The following SAMD12 variants were observed in gnomAD, a reference collection of about 807,000 sequenced individuals.
SAMD12 encodes the protein sterile alpha motif domain-containing protein 12.
SAMD12 carries 9 observed loss-of-function variants against 15.0 expected under a neutral mutation model. That is an observed-to-expected ratio of 0.60 (90% CI 0.36 to 1.05). The LOEUF (loss-of-function observed/expected upper bound fraction) is 1.05. Among genes scored for constraint, SAMD12 ranks in the 50% least tolerant of loss-of-function variants. SAMD12 has a pLI of 0.01. For missense variants in SAMD12, 230 were observed against 234.2 expected (o/e 0.98, Z 0.12); for synonymous variants, 86 against 90.1 (o/e 0.96, Z 0.25).
chr8:118,305,178 C>A (rs3019126), intron 4 of SAMD12, among the ~76,000 whole-genome samples: 112,307 of 114,724 alleles, frequency 0.98, 54,952 homozygotes, highest in Middle Eastern at 0.99. Context: ...AAAAAAAAGT[C>A]CAGTTCAGTG....
At chr8:118,230,324 G>T (rs2129918318) in intron 4 of SAMD12, among the ~76,000 whole-genome samples, 2 of 151,846 alleles carry the variant, frequency 1.3e-5, no homozygotes, top group Middle Eastern at 6.8e-3. Flanking sequence ...ATTGAAGCGG[G>T]ATTCTATCCC....
chr8:118,316,826 T>A (rs1222317665), intron 4 of SAMD12, among the ~76,000 whole-genome samples: 1 of 150,322 alleles, frequency 6.7e-6, no homozygotes, highest in Non-Finnish European at 1.5e-5. Flanking sequence ...GTTTTTTTTT[T>A]TTTTTTTTTG....
intron 1 of SAMD12, among the ~76,000 whole-genome samples, chr8:118,586,594 C>T (rs1827451780): frequency 1.3e-5 from 2 of 152,190 alleles, no homozygotes; most frequent in African/African-American, 4.8e-5. Context: ...CTGCCCACCT[C>T]GACCTCCCAA....
chr8:118,604,748 C>T (rs1004579461), intron 1 of SAMD12, among the ~76,000 whole-genome samples: 1 of 151,838 alleles, frequency 6.6e-6, no homozygotes, highest in Non-Finnish European at 1.5e-5. Flanking sequence ...AGTGAAACCC[C>T]GTCTCTACTA....
chr8:118,336,298 TA>T (rs1447884348), intron 4 of SAMD12, among the ~76,000 whole-genome samples: 1 of 152,232 alleles, frequency 6.6e-6, no homozygotes, highest in Non-Finnish European at 1.5e-5. Flanking sequence ...GAAACAAGCA[TA>T]ATTGCTCTCT....
chr8:118,226,118 A>G (rs1424504164), intron 4 of SAMD12, among the ~76,000 whole-genome samples: 1 of 152,172 alleles, frequency 6.6e-6, no homozygotes. Flanking sequence ...TTTTATATTT[A>G]TTATATCATT....
At chr8:118,547,831 T>C (rs1826176304) in intron 2 of SAMD12, among the ~76,000 whole-genome samples, 1 of 152,216 alleles carries the variant, frequency 6.6e-6, no homozygotes, top group South Asian at 2.1e-4. Flanking sequence ...GAAAACCAGA[T>C]TTGATGTGTT....
Position 118,378,328 on chromosome 8 carries a change from A to G in SAMD12, c.*1089T>C, listed in dbSNP as rs1819491684. 1 of 885,998 alleles carries G rather than the reference A, an allele frequency of 1.1e-6. No individual in the cohort carries two copies. The highest frequency in any genetic ancestry group is 1.8e-5 in the African/African-American group (1 of 55,242). 54.9% of individuals were successfully genotyped at this position (885,998 alleles called of 1,614,324 possible). ...CAGACTTTCTTATCATAATCTTCGTATTTCTATCTACTTCTTAAAAGAAGC... is the reference window on the plus strand; with the variant it reads ...CAGACTTTCTTATCATAATCTTCGTGTTTCTATCTACTTCTTAAAAGAAGC... On this transcript the variant is annotated 3_prime_UTR_variant, in exon 4 of 4. Coordinates refer to ENST00000314727, the MANE Select transcript of SAMD12 (RefSeq NM_207506.3).
intron 4 of SAMD12, among the ~76,000 whole-genome samples, chr8:118,299,763 T>C (rs1168029253): frequency 6.6e-6 from 1 of 152,118 alleles, no homozygotes; most frequent in Non-Finnish European, 1.5e-5. Context: ...TAGCAAGAAT[T>C]GGCAAAAATC....
At chr8:118,228,932 A>G (rs1281188636) in intron 4 of SAMD12, among the ~76,000 whole-genome samples, 1 of 152,232 alleles carries the variant, frequency 6.6e-6, no homozygotes, top group Non-Finnish European at 1.5e-5. Context: ...TGTGGTACAT[A>G]TGTACGGTGG....
At chr8:118,194,688 T>G (rs952464968) in exon 5 of SAMD12, 1 of 152,210 alleles carries the variant, frequency 6.6e-6, no homozygotes, top group Non-Finnish European at 1.5e-5. Flanking sequence ...CACCTCTTGC[T>G]TCCTATCAAA....
In SAMD12 at chr8:118,206,606, A is replaced by G. The variant is rs180726554; in HGVS notation, c.434-8874T>C. Among the ~76,000 whole-genome samples, 315 of 152,346 alleles carry G rather than the reference A, an allele frequency of 2.1e-3. 2 individuals are homozygous for G. Among genetic ancestry groups the G allele is most frequent in the Non-Finnish European group, 4.9e-4 (33 of 68,030 alleles). On this transcript the variant is annotated intron_variant, in intron 4 of 4. Coordinates refer to the SAMD12 transcript ENST00000409003. ...GGGTTGAAGAGTCTCCAATCTGTAT[A>G]ATTACACATATTGTTACATAGAATC...
chr8:118,500,024 A>T (rs1824736029), intron 2 of SAMD12, among the ~76,000 whole-genome samples: 1 of 145,148 alleles, frequency 6.9e-6, no homozygotes, highest in African/African-American at 2.5e-5. Context: ...ACATACATGA[A>T]GATGTTGATC....
At chr8:118,304,759 CATAAATAAATAAATAAATAA>C (rs55985938) in intron 4 of SAMD12, among the ~76,000 whole-genome samples, 9 of 141,538 alleles carry the variant, frequency 6.4e-5, no homozygotes, top group East Asian at 2.1e-4. Flanking sequence ...GACTCCATCT[CATAAATAAATAAATAAATAA>C]ATAAATAAAT....
In SAMD12 at chr8:118,580,711, G is replaced by A. The variant is rs377535192; in HGVS notation, c.192+4C>T. The A allele has an allele frequency of 5.9e-5, 95 of 1,607,148 alleles. 1 individual carries two copies. The highest frequency in any genetic ancestry group is 2.7e-4 in the African/African-American group (20 of 74,540). On this transcript the variant is annotated splice_donor_region_variant and intron_variant, in intron 2 of 3. Transcript: ENST00000314727. ...TCTCCGTAATTAACTGGAATATTACGCACCTTAGCCGTCTCAGCTTCTGCC... is the reference window on the plus strand; with the variant it reads ...TCTCCGTAATTAACTGGAATATTACACACCTTAGCCGTCTCAGCTTCTGCC...
At chr8:118,150,168 T>C in the SAMD12 span, among the ~76,000 whole-genome samples, 15 of 152,206 alleles carry the variant, frequency 9.9e-5, no homozygotes, top group Non-Finnish European at 1.9e-4. Flanking sequence ...AAGAGTTATC[T>C]AGTTCCAAAT....
intron 4 of SAMD12, among the ~76,000 whole-genome samples, chr8:118,313,053 A>G (rs995654747): frequency 6.6e-6 from 1 of 152,192 alleles, no homozygotes; most frequent in African/African-American, 2.4e-5. Flanking sequence ...TATATTACAT[A>G]GGTCTCAAAA....
intron 3 of SAMD12, among the ~76,000 whole-genome samples, chr8:118,418,418 C>G (rs994368206): frequency 8.6e-5 from 13 of 152,020 alleles, no homozygotes; most frequent in African/African-American, 2.9e-4. Flanking sequence ...GCAAAAGCTC[C>G]CCAAAAGAAA....
intron 2 of SAMD12, among the ~76,000 whole-genome samples, chr8:118,440,228 T>A (rs1822699699): frequency 6.6e-6 from 1 of 152,164 alleles, no homozygotes; most frequent in African/African-American, 2.4e-5. Context: ...TGTTTTTTAA[T>A]GAATACTCTA....
Sources: allele counts gnomAD v4.1 joint callset (sites outside exome capture counted in the v4.1 genomes callset), GRCh38; gene constraint gnomAD v4.1.1; transcripts MANE v1.5; gene names NCBI Gene and HGNC (gene_info 2026-07-23, HGNC 2026-07-21).